Variants in REDIC1 observed in about 807,000 individuals in gnomAD.
REDIC1 encodes the protein regulator of DNA class I crossover intermediates 1.
chr12:39,833,061 C>T, the REDIC1 span, among the ~76,000 whole-genome samples: 1 of 152,050 alleles, frequency 6.6e-6, no homozygotes, highest in Non-Finnish European at 1.5e-5. Context: ...TTATCCACAT[C>T]CTGGAAATTA....
the REDIC1 span, chr12:39,764,893 GT>G: frequency 2.3e-5 from 36 of 1,596,754 alleles, no homozygotes; most frequent in African/African-American, 3.6e-4. Context: ...TTAACTTAAT[GT>G]TTTTGACTAC....
the REDIC1 span, among the ~76,000 whole-genome samples, chr12:39,742,161 C>T: frequency 6.6e-6 from 1 of 151,846 alleles, no homozygotes; most frequent in Non-Finnish European, 1.5e-5. Context: ...GGGGTCCACT[C>T]GGTCAGTGGG....
the REDIC1 span, among the ~76,000 whole-genome samples, chr12:39,840,301 T>C: frequency 1.3e-5 from 2 of 152,082 alleles, no homozygotes; most frequent in African/African-American, 4.8e-5. Context: ...AGCTGGGCTC[T>C]TCCAATAGTC....
At chr12:39,871,171 A>G in the REDIC1 span, among the ~76,000 whole-genome samples, 1 of 152,204 alleles carries the variant, frequency 6.6e-6, no homozygotes, top group Non-Finnish European at 1.5e-5. Context: ...CCTTGTGTAC[A>G]GTGAAATAAT....
At chr12:39,777,287 A>G in the REDIC1 span, among the ~76,000 whole-genome samples, 3 of 152,238 alleles carry the variant, frequency 2.0e-5, no homozygotes, top group African/African-American at 4.8e-5. Flanking sequence ...TAATAGCAAC[A>G]AACTCAGGAT....
At chr12:39,664,362 G>T in the REDIC1 span, among the ~76,000 whole-genome samples, 1 of 151,986 alleles carries the variant, frequency 6.6e-6, no homozygotes, top group Admixed American at 6.6e-5. Flanking sequence ...TGCTGAGAAT[G>T]ATGGTTTCCA....
At chr12:39,681,208 G>T in the REDIC1 span, among the ~76,000 whole-genome samples, 3 of 152,152 alleles carry the variant, frequency 2.0e-5, no homozygotes, top group Non-Finnish European at 4.4e-5. Context: ...GGAAGCAGAG[G>T]TTGCAGTGGG....
chr12:39,684,135 G>A, the REDIC1 span: 2 of 1,001,350 alleles, frequency 2.0e-6, no homozygotes, highest in Middle Eastern at 2.9e-4. Context: ...TGTACAAAAT[G>A]TTCTGAGTTT....
At chr12:39,837,101 T>A in the REDIC1 span, among the ~76,000 whole-genome samples, 101 of 94,370 alleles carry the variant, frequency 1.1e-3, 1 homozygote, top group Non-Finnish European at 1.6e-3. Flanking sequence ...ACTACAAGGC[T>A]ACAGTAACCA....
At chr12:39,637,834 C>T in the REDIC1 span, among the ~76,000 whole-genome samples, 1 of 151,976 alleles carries the variant, frequency 6.6e-6, no homozygotes, top group Non-Finnish European at 1.5e-5. Flanking sequence ...TCTCTTATTA[C>T]GGTTGTCTTA....
chr12:39,865,868 G>T, the REDIC1 span, among the ~76,000 whole-genome samples: 1 of 152,160 alleles, frequency 6.6e-6, no homozygotes, highest in Non-Finnish European at 1.5e-5. Context: ...AGACACCAGG[G>T]ATTACTTGGG....
the REDIC1 span, among the ~76,000 whole-genome samples, chr12:39,712,721 A>T: frequency 7.6e-6 from 1 of 132,286 alleles, no homozygotes. Flanking sequence ...ATAGACGTAT[A>T]CGTGTATATA....
the REDIC1 span, among the ~76,000 whole-genome samples, chr12:39,712,513 G>C: frequency 3.6e-5 from 5 of 140,032 alleles, no homozygotes; most frequent in Admixed American, 2.1e-4. Context: ...ACGTATGTAC[G>C]TATATACACG....
chr12:39,826,744 T>C, the REDIC1 span, among the ~76,000 whole-genome samples: 4 of 150,910 alleles, frequency 2.7e-5, no homozygotes, highest in African/African-American at 9.7e-5. Flanking sequence ...TTATAACACA[T>C]ATATATGTCA....
chr12:39,666,436 A>C, the REDIC1 span, among the ~76,000 whole-genome samples: 1 of 152,174 alleles, frequency 6.6e-6, no homozygotes, highest in East Asian at 1.9e-4. Flanking sequence ...ATGGTGGATA[A>C]GCTTTTTGAT....
the REDIC1 span, among the ~76,000 whole-genome samples, chr12:39,886,225 G>A: frequency 1.3e-5 from 2 of 152,140 alleles, no homozygotes; most frequent in Non-Finnish European, 2.9e-5. Context: ...AGAGAGGTCT[G>A]ACACACAAAT....
the REDIC1 span, among the ~76,000 whole-genome samples, chr12:39,709,068 C>T: frequency 6.6e-6 from 1 of 151,700 alleles, no homozygotes; most frequent in Non-Finnish European, 1.5e-5. Context: ...TAAGCACTTT[C>T]CCGAAGTTTT....
chr12:39,823,724 C>A, the REDIC1 span, among the ~76,000 whole-genome samples: 5 of 152,190 alleles, frequency 3.3e-5, no homozygotes, highest in Non-Finnish European at 5.9e-5. Context: ...GCTGGGACTA[C>A]AGGAATGTGC....
the REDIC1 span, among the ~76,000 whole-genome samples, chr12:39,695,541 CTG>C: frequency 6.6e-6 from 1 of 152,184 alleles, no homozygotes; most frequent in African/African-American, 2.4e-5. Flanking sequence ...GTGGGAAGGA[CTG>C]TGTCTTGTGG....
Sources: gnomAD v4.1 joint callset for allele counts (sites outside exome capture counted in the v4.1 genomes callset) on GRCh38, gnomAD v4.1.1 for gene constraint, MANE v1.5 for transcripts, NCBI Gene and HGNC (gene_info 2026-07-23, HGNC 2026-07-21) for gene names.